ENOX1: variants seen among roughly 807,000 people sequenced by gnomAD.
ENOX1 encodes ecto-NOX disulfide-thiol exchanger 1, also known as candidate growth-related and time keeping constitutive hydroquinone (NADH) oxidase.
A neutral mutation model predicts 82.5 loss-of-function variants in ENOX1; 42 were observed. The observed-to-expected ratio is 0.51, with a 90% CI of 0.40 to 0.66. The LOEUF (loss-of-function observed/expected upper bound fraction) is 0.66, where lower values mean the gene tolerates loss of function less well. Ranked by LOEUF, ENOX1 falls within the 30% of genes least tolerant of loss-of-function variation. The pLI, the probability that ENOX1 is intolerant of heterozygous loss-of-function variation, is 0.00. For missense variants in ENOX1, 608 were observed against 811.6 expected, an observed-to-expected ratio of 0.75 and a Z score of 3.05; for synonymous variants, 271 against 282.2, an observed-to-expected ratio of 0.96 and a Z score of 0.40.
chr13:43,775,050 G>A (rs998638725), intron 1 of ENOX1, among the ~76,000 whole-genome samples: 8 of 152,042 alleles, frequency 5.3e-5, no homozygotes, highest in African/African-American at 1.9e-4. Flanking sequence ...GTTTCACTAT[G>A]TTGGCCAGGC....
chr13:43,493,720 T>C (rs1175618765), intron 2 of ENOX1, among the ~76,000 whole-genome samples: 3 of 152,196 alleles, frequency 2.0e-5, no homozygotes, highest in Admixed American at 6.5e-5. Flanking sequence ...AAACAGTCCA[T>C]CTGGGTTTCC....
At chr13:43,315,559 T>C (rs1385598995) in intron 11 of ENOX1, among the ~76,000 whole-genome samples, 1 of 152,258 alleles carries the variant, frequency 6.6e-6, no homozygotes, top group East Asian at 1.9e-4. Flanking sequence ...TTCTAGAAGT[T>C]GTGCAAACCG....
chr13:43,297,850 A>G (rs1338424043), intron 12 of ENOX1, among the ~76,000 whole-genome samples: 6 of 152,244 alleles, frequency 3.9e-5, no homozygotes, highest in Non-Finnish European at 7.3e-5. Flanking sequence ...TTCCATCAAC[A>G]AACACTTCTT....
chr13:43,545,443 T>C (rs1161185089), intron 2 of ENOX1: 1 of 152,196 alleles, frequency 6.6e-6, no homozygotes, highest in African/African-American at 2.4e-5. Context: ...CTCTCATACA[T>C]GCATAAGAGA....
intron 9 of ENOX1, among the ~76,000 whole-genome samples, chr13:43,329,258 T>A (rs1275916823): frequency 2.0e-5 from 3 of 152,042 alleles, no homozygotes; most frequent in Non-Finnish European, 2.9e-5. Context: ...AACTTTATAT[T>A]GTAGGATTGG....
In ENOX1 at chr13:43,216,507, C is replaced by G. The variant is rs60826298; in HGVS notation, c.1801-2386G>C. On this transcript the variant is annotated intron_variant, in intron 16 of 16. Transcript: ENST00000690772. The stretch of plus-strand genomic sequence containing the variant: ...GGTCAAAACTAGTTTTTCATAGGTC[C>G]AGGAGGCAGCTTTTTTTAAGCCTCA... Among the ~76,000 whole-genome samples the G allele has an allele frequency of 4.4e-3, 669 of 152,220 alleles. 8 individuals carry two copies. Among genetic ancestry groups the G allele is most frequent in the African/African-American group, 0.015 (621 of 41,524 alleles).
chr13:43,655,803 C>T (rs1326248833), intron 2 of ENOX1, among the ~76,000 whole-genome samples: 2 of 152,126 alleles, frequency 1.3e-5, no homozygotes, highest in Non-Finnish European at 2.9e-5. Context: ...GCTCTCATTA[C>T]CTCTCCTCTT....
chr13:43,322,512 A>G lies in ENOX1; in HGVS notation c.1144-11T>C. On this transcript the variant is annotated splice_polypyrimidine_tract_variant and intron_variant, in intron 10 of 16. Coordinates refer to ENST00000690772, the MANE Select transcript of ENOX1 (RefSeq NM_001347969.2). ...AGCATTCCGGAGCTCCTGCAAGTAG[A>G]GGATACACAAATGTCAGAGTCACAG... The G allele has an allele frequency of 6.2e-7, 1 of 1,609,914 alleles. No homozygotes were observed. The highest frequency in any genetic ancestry group is 8.5e-7 in the Non-Finnish European group (1 of 1,177,012).
intron 5 of ENOX1, among the ~76,000 whole-genome samples, chr13:43,406,782 C>T (rs949953850): frequency 2.0e-5 from 3 of 151,996 alleles, no homozygotes; most frequent in East Asian, 1.9e-4. Flanking sequence ...AGTGAGCCAC[C>T]GCGCCCGGCC....
intron 1 of ENOX1, among the ~76,000 whole-genome samples, chr13:43,736,720 A>G (rs1420701363): frequency 6.6e-6 from 1 of 152,186 alleles, no homozygotes; most frequent in Middle Eastern, 3.2e-3. Flanking sequence ...TCTAGGTGGG[A>G]AGCTCTGCAG....
chr13:43,533,484 C>G (rs1230236908), intron 2 of ENOX1, among the ~76,000 whole-genome samples: 1 of 152,004 alleles, frequency 6.6e-6, no homozygotes, highest in African/African-American at 2.4e-5. Context: ...AGGTAGAGTC[C>G]TGGGTACATG....
chr13:43,542,427 C>T (rs536260370), intron 2 of ENOX1, among the ~76,000 whole-genome samples: 10 of 145,744 alleles, frequency 6.9e-5, no homozygotes, highest in South Asian at 6.5e-4. Flanking sequence ...CCACTGTGCC[C>T]GGCCTTTTTT....
chr13:43,510,968 T>G (rs975777397), intron 2 of ENOX1, among the ~76,000 whole-genome samples: 56 of 152,242 alleles, frequency 3.7e-4, no homozygotes, highest in Non-Finnish European at 1.8e-4. Flanking sequence ...TTCAGCAATG[T>G]CCATACTGCG....
chr13:43,555,737 C>A (rs1344242159), intron 2 of ENOX1, among the ~76,000 whole-genome samples: 1 of 152,144 alleles, frequency 6.6e-6, no homozygotes, highest in African/African-American at 2.4e-5. Context: ...TGGCAAGCTA[C>A]AAAACTAGTC....
At chr13:43,514,042 A>G (rs1406187154) in intron 2 of ENOX1, among the ~76,000 whole-genome samples, 1 of 152,164 alleles carries the variant, frequency 6.6e-6, no homozygotes, top group Non-Finnish European at 1.5e-5. Context: ...AGGCAGTTAC[A>G]GGAGCAGTAA....
At chr13:43,215,099 C>A (rs1268340755) in intron 16 of ENOX1, among the ~76,000 whole-genome samples, 1 of 152,186 alleles carries the variant, frequency 6.6e-6, no homozygotes, top group Non-Finnish European at 1.5e-5. Flanking sequence ...AGCTATTACA[C>A]TTTTTCATGG....
intron 2 of ENOX1, among the ~76,000 whole-genome samples, chr13:43,523,432 A>G (rs1039812619): frequency 6.6e-6 from 1 of 152,192 alleles, no homozygotes; most frequent in Non-Finnish European, 1.5e-5. Flanking sequence ...AGAATAAGGG[A>G]AAGGAAGACA....
At chr13:43,609,778 CTTCA>C in intron 2 of ENOX1, 1 of 262,176 alleles carries the variant, frequency 3.8e-6, no homozygotes, top group East Asian at 1.8e-4. Context: ...AAAGTAATAA[CTTCA>C]TTATTATGGC....
At chr13:43,342,850 A>G (rs1435582822) in intron 9 of ENOX1, among the ~76,000 whole-genome samples, 5 of 152,250 alleles carry the variant, frequency 3.3e-5, no homozygotes, top group African/African-American at 1.2e-4. Flanking sequence ...ATATGGGCCA[A>G]CTTACACCTA....
Sources: gnomAD v4.1 joint callset for allele counts (sites outside exome capture counted in the v4.1 genomes callset) on GRCh38, gnomAD v4.1.1 for gene constraint, MANE v1.5 for transcripts, NCBI Gene and HGNC (gene_info 2026-07-23, HGNC 2026-07-21) for gene names.